Variants in MYH14 observed in about 807,000 individuals in gnomAD.
MYH14 encodes the protein myosin-14.
In MYH14, 123 loss-of-function variants were observed where a neutral mutation model predicts 255.5. The ratio of observed to expected loss-of-function variants is 0.48; its 90% CI spans 0.42 to 0.56. The LOEUF (loss-of-function observed/expected upper bound fraction) is 0.56, where lower values mean the gene tolerates loss of function less well. Among genes scored for constraint, MYH14 ranks in the 20% least tolerant of loss-of-function variants. The pLI, the probability that MYH14 is intolerant of heterozygous loss-of-function variation, is 0.00. For missense variants in MYH14, 2,423 were observed against 2,802.3 expected (o/e 0.86, Z 3.06); for synonymous variants, 1,095 against 1,161.2 (o/e 0.94, Z 1.16).
At chr19:50,219,365 T>C (rs145694614) in intron 3 of MYH14, among the ~76,000 whole-genome samples, 291 of 151,998 alleles carry the variant, frequency 1.9e-3, no homozygotes, top group African/African-American at 6.8e-3. Flanking sequence ...CTCCATACTG[T>C]TTTCCATAAT....
chr19:50,249,885 C>A, intron 14 of MYH14, 62 bp downstream of exon 14: 1 of 1,589,274 alleles, frequency 6.3e-7, no homozygotes. Context: ...CCAGCATCTG[C>A]GAGACCAGGG....
chr19:50,303,421 G>A (rs555764643), intron 40 of MYH14, among the ~76,000 whole-genome samples: 2 of 152,224 alleles, frequency 1.3e-5, no homozygotes, highest in East Asian at 3.9e-4. Context: ...TAAGAGCAAG[G>A]GAAAGTGCTA....
chr19:50,288,483 AG>A (rs1437308868), intron 34 of MYH14, among the ~76,000 whole-genome samples: 2 of 152,236 alleles, frequency 1.3e-5, no homozygotes, highest in African/African-American at 4.8e-5. Flanking sequence ...GTGACTCCAA[AG>A]GCCCTTGTGG....
intron 16 of MYH14, 45 bp from the exon 17 acceptor site, chr19:50,255,175 G>A (rs1299075607): frequency 7.8e-7 from 1 of 1,275,720 alleles, no homozygotes; most frequent in Non-Finnish European, 1.1e-6. Context: ...CCATCTCTCT[G>A]CCATCTCCCC....
At chr19:50,281,566 C>T in intron 32 of MYH14, 28 bp from the exon 33 acceptor site, 1 of 1,547,642 alleles carries the variant, frequency 6.5e-7, no homozygotes. Flanking sequence ...GCCGTGACCA[C>T]CAACCACCCT....
chr19:50,219,009 TA>T (rs2032651720), intron 3 of MYH14, among the ~76,000 whole-genome samples: 1 of 98,844 alleles, frequency 1.0e-5, no homozygotes, highest in South Asian at 4.3e-4. Context: ...TGTGTATATA[TA>T]TATTTTTTAT....
At chr19:50,226,792 G>T in intron 7 of MYH14, 111 bp from the exon 8 acceptor site, 2 of 930,218 alleles carry the variant, frequency 2.2e-6, no homozygotes, top group East Asian at 2.7e-5. Context: ...CAAGGAAGTG[G>T]GGGGGCAGCC....
intron 41 of MYH14, 34 bp downstream of exon 41, chr19:50,307,191 A>G: frequency 1.5e-6 from 2 of 1,345,050 alleles, no homozygotes; most frequent in Non-Finnish European, 2.1e-6. Flanking sequence ...AGCAGTGGAG[A>G]GTGTGACCAC....
chr19:50,304,712 C>T (rs1440430281), intron 40 of MYH14, among the ~76,000 whole-genome samples: 1 of 152,118 alleles, frequency 6.6e-6, no homozygotes, highest in Admixed American at 6.5e-5. Flanking sequence ...GTGGGATTCC[C>T]CAAGGTGAAA....
intron 41 of MYH14, 39 bp from the exon 42 acceptor site, chr19:50,308,966 T>C: frequency 6.4e-7 from 1 of 1,559,710 alleles, no homozygotes; most frequent in South Asian, 1.2e-5. Context: ...GTGATGACAG[T>C]ACCTGGAGAT....
At position 50,260,633 on chromosome 19, in the gene MYH14, C is replaced by T; in HGVS notation, c.2355-13C>T. ...GTAACTCTCTCCTCCCCACCCCTCC[C>T]TGCTCATTGCAGATACGAGATCCTG... On this transcript the variant is annotated splice_polypyrimidine_tract_variant and intron_variant, in intron 19 of 42. Coordinates refer to ENST00000642316, the MANE Select transcript of MYH14 (RefSeq NM_001145809.2). The T allele has an allele frequency of 6.2e-7, 1 of 1,608,282 alleles. No individual in the cohort carries two copies. The highest frequency in any genetic ancestry group is 8.5e-7 in the Non-Finnish European group (1 of 1,175,230).
At chr19:50,232,533 G>A (rs2123240403) in intron 10 of MYH14, among the ~76,000 whole-genome samples, 1 of 145,904 alleles carries the variant, frequency 6.9e-6, no homozygotes, top group East Asian at 2.0e-4. Flanking sequence ...GGCGGAGGTT[G>A]CAGTGAGCTG....
Position 50,290,839 on chromosome 19 carries a change from G to A in MYH14, c.4966-48G>A, listed in dbSNP as rs2036047319. 2.0e-6 allele frequency: 3 copies of A among 1,536,624 alleles called. No individual in the cohort carries two copies. The South Asian group carries it at 3.6e-5, about 19-fold the overall frequency. ...TCCATGTCCCTAGCACACAGAGGGAGGCTGGGCTTCCTGTGTCTGACCCGG... is the reference window on the plus strand; with the variant it reads ...TCCATGTCCCTAGCACACAGAGGGAAGCTGGGCTTCCTGTGTCTGACCCGG... On this transcript the variant is annotated intron_variant, in intron 35 of 42. Transcript: ENST00000642316.
At chr19:50,265,297 A>G (rs1220168307) in intron 22 of MYH14, among the ~76,000 whole-genome samples, 1 of 151,304 alleles carries the variant, frequency 6.6e-6, no homozygotes, top group African/African-American at 2.4e-5. Context: ...GCATCACTTG[A>G]GCCCAAGAGT....
intron 30 of MYH14, among the ~76,000 whole-genome samples, chr19:50,278,943 G>C (rs376505552): frequency 1.3e-5 from 2 of 151,902 alleles, no homozygotes; most frequent in African/African-American, 4.8e-5. Flanking sequence ...AGCTGAGACC[G>C]CGCCATTGCG....
intron 17 of MYH14, among the ~76,000 whole-genome samples, 183 bp downstream of exon 17, chr19:50,255,501 C>A (rs1363376274): frequency 6.6e-6 from 1 of 152,194 alleles, no homozygotes; most frequent in Non-Finnish European, 1.5e-5. Flanking sequence ...AGAACCCCTT[C>A]TTCTAACTAA....
chr19:50,274,340 G>C (rs1264336838), intron 27 of MYH14, among the ~76,000 whole-genome samples: 1 of 152,138 alleles, frequency 6.6e-6, no homozygotes, highest in African/African-American at 2.4e-5. Flanking sequence ...TGTCGCCCAG[G>C]CTGGAGTGCA....
At chr19:50,247,348 A>G (rs1045809697) in intron 12 of MYH14, among the ~76,000 whole-genome samples, 1 of 151,990 alleles carries the variant, frequency 6.6e-6, no homozygotes, top group Non-Finnish European at 1.5e-5. Context: ...TAAAAGTTCA[A>G]CAGGATGTGT....
At chr19:50,241,224 CAA>C (rs2033879673) in intron 10 of MYH14, among the ~76,000 whole-genome samples, 1 of 152,092 alleles carries the variant, frequency 6.6e-6, no homozygotes, top group Non-Finnish European at 1.5e-5. Context: ...ATCACGAGGT[CAA>C]GAGATTGAGA....
Sources: allele counts gnomAD v4.1 joint callset (sites outside exome capture counted in the v4.1 genomes callset), GRCh38; gene constraint gnomAD v4.1.1; transcripts MANE v1.5; gene names NCBI Gene and HGNC (gene_info 2026-07-23, HGNC 2026-07-21).